The following SH3GL3 variants were observed in gnomAD, a reference collection of about 807,000 sequenced individuals.
SH3GL3 encodes endophilin-A3.
Under a neutral mutation model 47.7 loss-of-function variants are expected in SH3GL3, and 33 were observed. The observed-to-expected ratio is 0.69, with a 90% CI of 0.52 to 0.92. The LOEUF (loss-of-function observed/expected upper bound fraction) is 0.92. Ranked by LOEUF, SH3GL3 falls within the 40% of genes least tolerant of loss-of-function variation. The pLI is 0.00. For synonymous variants in SH3GL3, 155 were observed against 148.8 expected, an observed-to-expected ratio of 1.04 and a Z score of -0.30; for missense variants, 363 against 417.8, an observed-to-expected ratio of 0.87 and a Z score of 1.14.
At chr15:83,536,673 C>G (rs2043926293) in intron 1 of SH3GL3, among the ~76,000 whole-genome samples, 1 of 152,108 alleles carries the variant, frequency 6.6e-6, no homozygotes, top group Non-Finnish European at 1.5e-5. Context: ...CAGGTGTAAG[C>G]CACCATGCCC....
At chr15:83,596,646 T>G (rs2060244142) in intron 8 of SH3GL3, among the ~76,000 whole-genome samples, 1 of 152,208 alleles carries the variant, frequency 6.6e-6, no homozygotes, top group African/African-American at 2.4e-5. Context: ...TTTGTTTGTT[T>G]GTTTTAAGAT....
chr15:83,587,333 C>T (rs1248753473), intron 7 of SH3GL3, among the ~76,000 whole-genome samples: 1 of 152,018 alleles, frequency 6.6e-6, no homozygotes, highest in Admixed American at 6.6e-5. Flanking sequence ...TCATTAAATC[C>T]CTTTTTTTTG....
At chr15:83,461,015 G>A (rs1198800442) in intron 1 of SH3GL3, among the ~76,000 whole-genome samples, 2 of 151,834 alleles carry the variant, frequency 1.3e-5, no homozygotes, top group Non-Finnish European at 1.5e-5. Context: ...CCCGGGAGGC[G>A]GAGCTTGTAG....
chr15:83,623,183 A>G (rs1245084656), downstream of SH3GL3, among the ~76,000 whole-genome samples: 1 of 152,104 alleles, frequency 6.6e-6, no homozygotes, highest in Non-Finnish European at 1.5e-5. Context: ...CCAAACCTTA[A>G]CCCTTCTCTC....
chr15:83,525,891 A>G (rs2043399414), intron 1 of SH3GL3, among the ~76,000 whole-genome samples: 1 of 152,046 alleles, frequency 6.6e-6, no homozygotes, highest in African/African-American at 2.4e-5. Flanking sequence ...GTGACTATTT[A>G]TATGCTGATA....
chr15:83,614,103 G>A (rs562031439), intron 8 of SH3GL3, among the ~76,000 whole-genome samples: 1 of 152,240 alleles, frequency 6.6e-6, no homozygotes, highest in South Asian at 2.1e-4. Context: ...GTTGCCCTTG[G>A]TTTTCAGTGC....
At chr15:83,512,492 C>T (rs528267254) in intron 1 of SH3GL3, among the ~76,000 whole-genome samples, 26 of 152,242 alleles carry the variant, frequency 1.7e-4, no homozygotes, top group Non-Finnish European at 3.1e-4. Context: ...CCTGGAAGCG[C>T]GCTGCTTTCT....
At chr15:83,480,331 A>G (rs1231932869) in intron 1 of SH3GL3, among the ~76,000 whole-genome samples, 1 of 152,252 alleles carries the variant, frequency 6.6e-6, no homozygotes, top group Non-Finnish European at 1.5e-5. Context: ...TGTTCTAAAA[A>G]TAAAATAGCA....
intron 1 of SH3GL3, among the ~76,000 whole-genome samples, chr15:83,532,665 G>A (rs1415419484): frequency 6.6e-6 from 1 of 152,170 alleles, no homozygotes; most frequent in Admixed American, 6.5e-5. Context: ...TAACCATAGT[G>A]GCTTACAGAT....
At chr15:83,513,644 T>C (rs1460102321) in intron 1 of SH3GL3, among the ~76,000 whole-genome samples, 1 of 152,174 alleles carries the variant, frequency 6.6e-6, no homozygotes, top group Admixed American at 6.5e-5. Flanking sequence ...TTCATGCTGC[T>C]TTGCTCTTTG....
chr15:83,465,020 T>TAATAATAATAATA (rs1311980329), intron 1 of SH3GL3, among the ~76,000 whole-genome samples: 7 of 132,874 alleles, frequency 5.3e-5, no homozygotes, highest in Non-Finnish European at 1.2e-4. Context: ...ATAATAATAA[T>TAATAATAATAATA]AATAACAGCA....
At chr15:83,611,873 G>A (rs1433888487) in intron 8 of SH3GL3, among the ~76,000 whole-genome samples, 2 of 132,774 alleles carry the variant, frequency 1.5e-5, no homozygotes, top group South Asian at 3.6e-4. Context: ...GGTGACTTTT[G>A]TGTCAAGGGA....
chr15:83,507,763 T>C (rs759674830), intron 1 of SH3GL3, among the ~76,000 whole-genome samples: 3 of 152,120 alleles, frequency 2.0e-5, no homozygotes, highest in South Asian at 2.1e-4. Flanking sequence ...CCACCCACTG[T>C]GTACCAGACA....
downstream of SH3GL3, among the ~76,000 whole-genome samples, chr15:83,621,053 T>C (rs1377233892): frequency 6.6e-6 from 1 of 152,174 alleles, no homozygotes; most frequent in East Asian, 1.9e-4. Flanking sequence ...CTTTCTCACC[T>C]CTCTCAACTC....
chr15:83,468,051 C>T (rs1052721652), intron 1 of SH3GL3, among the ~76,000 whole-genome samples: 12 of 152,110 alleles, frequency 7.9e-5, no homozygotes, highest in Non-Finnish European at 1.2e-4. Flanking sequence ...AGGATGGTCT[C>T]GATCTCCTGA....
intron 1 of SH3GL3, among the ~76,000 whole-genome samples, chr15:83,479,302 C>G (rs2041235208): frequency 6.6e-6 from 1 of 151,860 alleles, no homozygotes. Flanking sequence ...GTAAGCAGAC[C>G]TCGATTTGTG....
At chr15:83,519,922 G>A (rs761810965) in intron 1 of SH3GL3, among the ~76,000 whole-genome samples, 1 of 152,192 alleles carries the variant, frequency 6.6e-6, no homozygotes, top group Non-Finnish European at 1.5e-5. Flanking sequence ...GAACTGTGGA[G>A]TGTCTGAAAT....
intron 8 of SH3GL3, among the ~76,000 whole-genome samples, chr15:83,592,629 C>A (rs2060137436): frequency 6.6e-6 from 1 of 152,222 alleles, no homozygotes; most frequent in Admixed American, 6.5e-5. Flanking sequence ...TCTCTTTCCC[C>A]ATCTACCCCT....
chr15:83,580,550 T>C (rs1326573713), intron 6 of SH3GL3, among the ~76,000 whole-genome samples: 1 of 152,198 alleles, frequency 6.6e-6, no homozygotes, highest in African/African-American at 2.4e-5. Context: ...TTCTGACCAA[T>C]GGAGGAAGTG....
Sources: allele counts gnomAD v4.1 joint callset (sites outside exome capture counted in the v4.1 genomes callset), GRCh38; gene constraint gnomAD v4.1.1; transcripts MANE v1.5; gene names NCBI Gene and HGNC (gene_info 2026-07-23, HGNC 2026-07-21).